Variants in LIPC observed in about 807,000 individuals in gnomAD.
LIPC encodes lipase C, hepatic type.
LIPC carries 44 observed loss-of-function variants against 50.7 expected under a neutral mutation model. The ratio of observed to expected loss-of-function variants is 0.87; its 90% confidence interval spans 0.68 to 1.11. The LOEUF (loss-of-function observed/expected upper bound fraction) is 1.11. LIPC is among the 50% of genes most tolerant of loss of function. The probability of loss-of-function intolerance (pLI) is 0.00; values close to 1 mark genes in which losing one functional copy is unlikely to be tolerated. For synonymous variants in LIPC, 271 were observed against 256.4 expected, an observed-to-expected ratio of 1.06 and a Z score of -0.54; for missense variants, 697 against 648.2, an observed-to-expected ratio of 1.08 and a Z score of -0.82.
chr15:58,525,313 C>T (rs1892768813), intron 1 of LIPC, among the ~76,000 whole-genome samples: 2 of 152,222 alleles, frequency 1.3e-5, no homozygotes, highest in African/African-American at 4.8e-5. Context: ...TTTATCCAAG[C>T]TCCTGTATAC....
At chr15:58,551,304 C>A (rs560894941) in intron 6 of LIPC, among the ~76,000 whole-genome samples, 1 of 152,154 alleles carries the variant, frequency 6.6e-6, no homozygotes, top group African/African-American at 2.4e-5. Flanking sequence ...TGCACTCATG[C>A]GAGACTCGCC....
chr15:58,462,131 T>G (rs937095719), intron 1 of LIPC, among the ~76,000 whole-genome samples: 1 of 152,242 alleles, frequency 6.6e-6, no homozygotes. Flanking sequence ...GTTTCTTGCA[T>G]GCATTGCACT....
intron 1 of LIPC, among the ~76,000 whole-genome samples, chr15:58,534,819 T>C (rs1474598384): frequency 2.0e-5 from 3 of 152,234 alleles, no homozygotes; most frequent in African/African-American, 7.2e-5. Context: ...TTGACATTCC[T>C]ATCTTTATTG....
chr15:58,513,458 G>C (rs1323693638), intron 1 of LIPC, among the ~76,000 whole-genome samples: 1 of 152,128 alleles, frequency 6.6e-6, no homozygotes, highest in African/African-American at 2.4e-5. Context: ...AAAGCAAACC[G>C]TTGCTCTGGG....
intron 1 of LIPC, among the ~76,000 whole-genome samples, chr15:58,480,415 G>A (rs1478006447): frequency 6.6e-5 from 10 of 152,084 alleles, no homozygotes; most frequent in South Asian, 4.2e-4. Flanking sequence ...CTGCCTTGGC[G>A]TCTCAAGTAG....
chr15:58,486,758 CTTGT>C lies in LIPC; in HGVS notation c.89-51568_89-51565del, dbSNP rs141229386. ...CACAGATGCCAAAGAACTGGTTTTG[CTTGT>C]TTGTTTCATTTGCCAGTCAGAAGCG... On this transcript the variant is annotated intron_variant, in intron 1 of 8. Coordinates refer to ENST00000299022, the MANE Select transcript of LIPC (RefSeq NM_000236.3). Among the ~76,000 whole-genome samples the C allele has an allele frequency of 1.8e-4, 28 of 152,318 alleles. No homozygotes were observed. In the East Asian group the frequency reaches 5.0e-3, roughly 27 times the overall value.
At chr15:58,529,622 C>A (rs1892898921) in intron 1 of LIPC, among the ~76,000 whole-genome samples, 1 of 152,218 alleles carries the variant, frequency 6.6e-6, no homozygotes, top group African/African-American at 2.4e-5. Flanking sequence ...GAGGCATCGG[C>A]CTTTATGTGG....
intron 1 of LIPC, among the ~76,000 whole-genome samples, chr15:58,516,399 T>C (rs1321068884): frequency 5.3e-5 from 8 of 152,122 alleles, no homozygotes; most frequent in Non-Finnish European, 1.0e-4. Context: ...TTTCCACCAT[T>C]ATTATTTCTT....
chr15:58,438,655 C>T (rs1212014022), intron 1 of LIPC, among the ~76,000 whole-genome samples: 2 of 152,200 alleles, frequency 1.3e-5, no homozygotes, highest in African/African-American at 4.8e-5. Flanking sequence ...AAGACCAAAT[C>T]CAGTCACTCC....
chr15:58,502,683 C>G (rs560319904), intron 1 of LIPC, among the ~76,000 whole-genome samples: 1 of 152,186 alleles, frequency 6.6e-6, no homozygotes, highest in South Asian at 2.1e-4. Flanking sequence ...TGTGTGAGAA[C>G]TGGGGGAATA....
At chr15:58,509,962 A>T (rs1892281445) in intron 1 of LIPC, among the ~76,000 whole-genome samples, 1 of 8,076 alleles carries the variant, frequency 1.2e-4, no homozygotes. Flanking sequence ...GAATCATTAA[A>T]AAAAAAAAGA....
intron 1 of LIPC, among the ~76,000 whole-genome samples, chr15:58,444,191 C>T (rs896761167): frequency 3.5e-4 from 53 of 152,248 alleles, no homozygotes; most frequent in African/African-American, 1.1e-3. Context: ...CTGGCCCCCA[C>T]CTTTGTGCCG....
intron 6 of LIPC, among the ~76,000 whole-genome samples, chr15:58,559,611 A>G (rs1894081125): frequency 1.3e-5 from 2 of 151,724 alleles, no homozygotes; most frequent in South Asian, 4.2e-4. Context: ...TGCTTAGAGA[A>G]TATGGAGACA....
rs1357134716 is a variant in LIPC at position 58,548,329 on chromosome 15, G to A, written c.809-1G>A. 5 of 1,613,946 alleles carry A rather than the reference G, an allele frequency of 3.1e-6. No homozygotes were observed. In the South Asian group the frequency reaches 4.4e-5, roughly 14 times the overall value. On this transcript the variant is annotated splice_acceptor_variant, in intron 5 of 8. Coordinates refer to ENST00000299022, the MANE Select transcript of LIPC (RefSeq NM_000236.3). LOFTEE classifies it high-confidence loss of function. ...AACGTCCTTCTTGCCCTGTGTTCCA[G>A]CCATCACCCAGACCATAAAATGCTC...
At chr15:58,539,786 C>T (rs867734734) in intron 2 of LIPC, among the ~76,000 whole-genome samples, 1 of 152,168 alleles carries the variant, frequency 6.6e-6, no homozygotes, top group African/African-American at 2.4e-5. Flanking sequence ...TGCCTTCTCT[C>T]TTCTTGGTCT....
intron 1 of LIPC, among the ~76,000 whole-genome samples, chr15:58,472,755 T>C (rs568043342): frequency 6.6e-6 from 1 of 152,284 alleles, no homozygotes; most frequent in East Asian, 1.9e-4. Flanking sequence ...GTGCCAGGCA[T>C]GGGGCTAAGC....
intron 1 of LIPC, among the ~76,000 whole-genome samples, chr15:58,513,102 T>C (rs1041465301): frequency 2.6e-5 from 4 of 152,144 alleles, no homozygotes; most frequent in African/African-American, 9.7e-5. Flanking sequence ...AAGAAGTCAA[T>C]TACTCACGGC....
chr15:58,456,692 T>A (rs73422607), intron 1 of LIPC, among the ~76,000 whole-genome samples: 1 of 152,224 alleles, frequency 6.6e-6, no homozygotes, highest in Non-Finnish European at 1.5e-5. Context: ...CCTCATAGCC[T>A]CAGGTAGATG....
intron 7 of LIPC, among the ~76,000 whole-genome samples, chr15:58,562,310 G>A (rs1410587419): frequency 6.6e-6 from 1 of 152,146 alleles, no homozygotes; most frequent in African/African-American, 2.4e-5. Flanking sequence ...GCCCCACTAG[G>A]GCCTGCAGTG....
Sources: allele counts gnomAD v4.1 joint callset (sites outside exome capture counted in the v4.1 genomes callset), GRCh38; gene constraint gnomAD v4.1.1; transcripts MANE v1.5; gene names NCBI Gene and HGNC (gene_info 2026-07-23, HGNC 2026-07-21).